The following POLN variants were observed in gnomAD, a reference collection of about 807,000 sequenced individuals.
POLN encodes DNA polymerase nu, also known as DNA polymerase N.
POLN carries 108 observed loss-of-function variants against 113.5 expected under a neutral mutation model. The observed-to-expected ratio is 0.95, with a 90% CI of 0.81 to 1.12. The LOEUF is 1.12. Ranked by LOEUF, POLN falls within the 50% of genes most tolerant of loss-of-function variation. POLN has a pLI of 0.00. For missense variants in POLN, 1,097 were observed against 1,077.1 expected, an observed-to-expected ratio of 1.02 and a Z score of -0.26; for synonymous variants, 386 against 391.5, an observed-to-expected ratio of 0.99 and a Z score of 0.17.
intron 3 of POLN, among the ~76,000 whole-genome samples, chr4:2,218,158 G>A (rs1396256500): frequency 2.0e-5 from 3 of 151,934 alleles, no homozygotes; most frequent in East Asian, 1.9e-4. Context: ...GTGGCCAGGC[G>A]TGGTGGCTCA....
chr4:2,222,248 T>G (rs776488921), intron 3 of POLN, among the ~76,000 whole-genome samples: 1 of 152,110 alleles, frequency 6.6e-6, no homozygotes, highest in South Asian at 2.1e-4. Flanking sequence ...CTGGTCCCTC[T>G]TTCCTCAGAT....
intron 19 of POLN, among the ~76,000 whole-genome samples, chr4:2,112,751 G>C (rs1478438565): frequency 6.6e-6 from 1 of 152,202 alleles, no homozygotes; most frequent in East Asian, 1.9e-4. Context: ...TGCTGGAGAG[G>C]ATGTGGAGCA....
chr4:2,186,019 G>T (rs1023040377), intron 7 of POLN, among the ~76,000 whole-genome samples: 4 of 152,048 alleles, frequency 2.6e-5, no homozygotes, highest in Non-Finnish European at 5.9e-5. Context: ...CAATATCCCA[G>T]AACCCAAATA....
intron 13 of POLN, among the ~76,000 whole-genome samples, chr4:2,168,120 T>A (rs1732773042): frequency 1.3e-5 from 2 of 152,192 alleles, no homozygotes; most frequent in African/African-American, 4.8e-5. Context: ...CCAGGCATTG[T>A]ACTAAGCACT....
rs114731257 is a variant in POLN, at chr4:2,235,454, A to G, written c.-13+6066T>C. ...TAAGACCATCATAGCAGTATGATCT[A>G]TAGTAACAAAAACTGTAAATAACCT... On this transcript the variant is annotated intron_variant, in intron 2 of 25. Coordinates refer to ENST00000511885, the MANE Select transcript of POLN (RefSeq NM_181808.4). 4.8e-3 allele frequency among the ~76,000 whole-genome samples: 733 copies of G among 152,360 alleles called. 7 individuals carry two copies. Among genetic ancestry groups the G allele is most frequent in the African/African-American group, 0.017 (695 of 41,578 alleles).
At chr4:2,161,035 C>A (rs1561054468) in intron 13 of POLN, among the ~76,000 whole-genome samples, 1 of 152,228 alleles carries the variant, frequency 6.6e-6, no homozygotes, top group Non-Finnish European at 1.5e-5. Context: ...CTCTCTCCCT[C>A]TCTTTCTTTT....
intron 5 of POLN, among the ~76,000 whole-genome samples, chr4:2,206,684 A>G (rs1733853500): frequency 6.6e-6 from 1 of 152,260 alleles, no homozygotes; most frequent in Non-Finnish European, 1.5e-5. Context: ...AATGCAAATC[A>G]AAACCACAAT....
intron 19 of POLN, among the ~76,000 whole-genome samples, chr4:2,114,012 A>C: frequency 6.6e-6 from 1 of 151,278 alleles, no homozygotes; most frequent in East Asian, 1.9e-4. Context: ...TGATCCTCCC[A>C]TGTCAGCCTC....
chr4:2,072,854 TG>T, intron 25 of POLN, 113 bp downstream of exon 25: 1 of 1,077,996 alleles, frequency 9.3e-7, no homozygotes, highest in Non-Finnish European at 1.4e-6. Flanking sequence ...TGCTGTGGAG[TG>T]GCCATCTCGG....
At chr4:2,105,893 G>A (rs530828771) in intron 19 of POLN, among the ~76,000 whole-genome samples, 1 of 152,118 alleles carries the variant, frequency 6.6e-6, no homozygotes, top group African/African-American at 2.4e-5. Context: ...AGAAACTGAT[G>A]GTCTTGGCAA....
chr4:2,176,347 A>G lies in POLN; in HGVS notation c.1180-13T>C. 1 of 1,573,250 alleles carries G rather than the reference A, an allele frequency of 6.4e-7. No individual in the cohort carries two copies. Among genetic ancestry groups the G allele is most frequent in the Non-Finnish European group, 8.6e-7 (1 of 1,159,904 alleles). Reference sequence around the variant, plus strand: ...GTACATTCTGATTCTTTAAAAGAGCAAAAGTATTTTTAAAAATCAGATAAA... The same window carrying G: ...GTACATTCTGATTCTTTAAAAGAGCGAAAGTATTTTTAAAAATCAGATAAA... On this transcript the variant is annotated splice_polypyrimidine_tract_variant and intron_variant, in intron 8 of 25. Transcript: ENST00000511885.
chr4:2,091,457 C>A (rs1175285612), intron 20 of POLN, among the ~76,000 whole-genome samples: 4 of 152,068 alleles, frequency 2.6e-5, no homozygotes, highest in Non-Finnish European at 5.9e-5. Flanking sequence ...TGGATCTTTG[C>A]TCCTCACTCC....
At chr4:2,150,651 C>G (rs1157646597) in intron 16 of POLN, among the ~76,000 whole-genome samples, 5 of 152,028 alleles carry the variant, frequency 3.3e-5, no homozygotes, top group Non-Finnish European at 5.9e-5. Flanking sequence ...TATAGATCAA[C>G]TAGACTGAGT....
At chr4:2,197,705 G>A (rs768812968) in intron 6 of POLN, among the ~76,000 whole-genome samples, 1 of 152,182 alleles carries the variant, frequency 6.6e-6, no homozygotes, top group Non-Finnish European at 1.5e-5. Context: ...GGAGCTGAAT[G>A]CTATGTTTGT....
At chr4:2,199,058 G>A (rs113010637) in intron 5 of POLN, among the ~76,000 whole-genome samples, 2 of 152,088 alleles carry the variant, frequency 1.3e-5, no homozygotes, top group African/African-American at 2.4e-5. Flanking sequence ...TATAAAAAAC[G>A]AATCCTGGAG....
intron 19 of POLN, among the ~76,000 whole-genome samples, chr4:2,107,585 G>C (rs1373351138): frequency 1.3e-5 from 2 of 152,204 alleles, no homozygotes; most frequent in African/African-American, 4.8e-5. Flanking sequence ...TATTACACCA[G>C]TAGATGTGGG....
At chr4:2,159,069 CATT>C in intron 14 of POLN, 83 bp downstream of exon 14, 1 of 1,025,554 alleles carries the variant, frequency 9.8e-7, no homozygotes, top group Non-Finnish European at 1.5e-6. Context: ...CTACTTCAGC[CATT>C]ATGGATTTGT....
chr4:2,074,363 G>A (rs1730227061), intron 24 of POLN, among the ~76,000 whole-genome samples: 1 of 152,204 alleles, frequency 6.6e-6, no homozygotes, highest in Non-Finnish European at 1.5e-5. Flanking sequence ...GGCCCCGAGT[G>A]CTCCTGAGAG....
At chr4:2,107,326 T>C (rs191234293) in intron 19 of POLN, among the ~76,000 whole-genome samples, 21 of 152,348 alleles carry the variant, frequency 1.4e-4, no homozygotes. Flanking sequence ...TAAGCTTGTC[T>C]CATTATTTCA....
Sources: gnomAD v4.1 joint callset for allele counts (sites outside exome capture counted in the v4.1 genomes callset) on GRCh38, gnomAD v4.1.1 for gene constraint, MANE v1.5 for transcripts, NCBI Gene and HGNC (gene_info 2026-07-23, HGNC 2026-07-21) for gene names.